CNST: variants seen among roughly 807,000 people sequenced by gnomAD.
The protein encoded by CNST is consortin.
Under a neutral mutation model 72.4 loss-of-function variants are expected in CNST, and 39 were observed. The observed-to-expected ratio is 0.54, with a 90% CI of 0.42 to 0.70. The LOEUF (loss-of-function observed/expected upper bound fraction) is 0.70. CNST is among the 30% of genes least tolerant of loss of function. The pLI is 0.00. For missense variants in CNST, 871 were observed against 868.5 expected (o/e 1.00, Z -0.04); for synonymous variants, 332 against 320.1 (o/e 1.04, Z -0.40).
Position 246,571,454 on chromosome 1 carries a change from G to A in CNST, c.-52+4791G>A, listed in dbSNP as rs1660062548. ...CGTGAGCCACTGTGCCAGGCCAAATGGTTTTTATCTTAGTTTTGAGATCCT... is the reference window on the plus strand; with the variant it reads ...CGTGAGCCACTGTGCCAGGCCAAATAGTTTTTATCTTAGTTTTGAGATCCT... On this transcript the variant is annotated intron_variant, in intron 1 of 10. Transcript: ENST00000366513. Among the ~76,000 whole-genome samples, 3 of 152,122 alleles carry A rather than the reference G, an allele frequency of 2.0e-5. No individual in the cohort carries two copies. In the South Asian group the frequency reaches 6.2e-4, roughly 32 times the overall value.
chr1:246,572,387 A>C (rs1046288074), intron 1 of CNST, among the ~76,000 whole-genome samples: 5 of 152,150 alleles, frequency 3.3e-5, no homozygotes, highest in African/African-American at 1.2e-4. Context: ...TTTTGTATGC[A>C]TTGTCCTTGT....
At chr1:246,656,057 T>C (rs1169874209) in intron 9 of CNST, among the ~76,000 whole-genome samples, 1 of 152,248 alleles carries the variant, frequency 6.6e-6, no homozygotes, top group Non-Finnish European at 1.5e-5. Flanking sequence ...ATTTGTCATA[T>C]ACTATAATAA....
intron 6 of CNST, among the ~76,000 whole-genome samples, chr1:246,634,964 C>CCGGCCGGGGTAGGTGTCTTT (rs1665072181): frequency 6.6e-6 from 1 of 151,582 alleles, no homozygotes. Context: ...TGCGTGTCTT[C>CCGGCCGGGGTAGGTGTCTTT]CGGCCGGGGT....
chr1:246,592,496 G>T (rs941587629), intron 2 of CNST, among the ~76,000 whole-genome samples: 1 of 152,042 alleles, frequency 6.6e-6, no homozygotes. Context: ...CAAAAAAAAA[G>T]AAAAGAAAAA....
intron 9 of CNST, among the ~76,000 whole-genome samples, chr1:246,659,398 T>G (rs557622603): frequency 2.3e-4 from 35 of 152,182 alleles, no homozygotes; most frequent in South Asian, 2.1e-4. Flanking sequence ...ATCGAGACCA[T>G]CCTGGCTAAC....
rs1175692182 is a variant in CNST, at chr1:246,621,546, C to G, written c.497C>G (p.Pro166Arg). Residue 166 changes from proline (P) to arginine (R), a missense_variant, in exon 3 of 11, where the codon CCA becomes CGA. Coordinates refer to ENST00000366513, the MANE Select transcript of CNST (RefSeq NM_152609.3). The stretch of plus-strand genomic sequence containing the variant: ...AATGCTAATGAGCAGCCAGAGGCGC[C>G]AAAGCTTGTTCTGCAGTCTCTGTTT... The part of the protein sequence containing the change: ...EVNANEQPEA[P>R]KLVLQSLFSL... 6.2e-7 allele frequency: 1 copy of G among 1,614,154 alleles called. No homozygotes were observed. Among genetic ancestry groups the G allele is most frequent in the Non-Finnish European group, 8.5e-7 (1 of 1,180,032 alleles).
chr1:246,573,755 G>T (rs1660207313), intron 1 of CNST, among the ~76,000 whole-genome samples: 2 of 152,184 alleles, frequency 1.3e-5, no homozygotes, highest in South Asian at 4.1e-4. Context: ...TATCTGTTTT[G>T]TAACTAAAGC....
chr1:246,646,153 G>A lies in CNST; in HGVS notation c.938-986G>A, dbSNP rs967754303. Reference sequence around the variant, plus strand: ...AAATTAGCTGGGCAAGGTGGCGGGCGCCTGTAGTCCCAGCTACTCGGGAGG... The same window carrying A: ...AAATTAGCTGGGCAAGGTGGCGGGCACCTGTAGTCCCAGCTACTCGGGAGG... On this transcript the variant is annotated intron_variant, in intron 8 of 10. Transcript: ENST00000366513. Among the ~76,000 whole-genome samples the A allele has an allele frequency of 4.0e-5, 6 of 151,684 alleles. No homozygotes were observed. In the East Asian group the frequency reaches 7.9e-4, roughly 20 times the overall value.
At chr1:246,606,390 G>T (rs578088775) in intron 2 of CNST, 5 of 152,102 alleles carry the variant, frequency 3.3e-5, no homozygotes, top group South Asian at 4.1e-4. Context: ...TGTTTGAAGC[G>T]ATTTCTAGAA....
chr1:246,605,682 C>CG (rs935694461), intron 2 of CNST, among the ~76,000 whole-genome samples: 1 of 142,620 alleles, frequency 7.0e-6, no homozygotes, highest in African/African-American at 2.6e-5. Context: ...GTCTTCCGGC[C>CG]GGGGTAGGTG....
At chr1:246,662,077 T>C (rs553376847) in intron 10 of CNST, among the ~76,000 whole-genome samples, 1 of 152,328 alleles carries the variant, frequency 6.6e-6, no homozygotes, top group African/African-American at 2.4e-5. Flanking sequence ...CCATCATCTT[T>C]AAAATAAGGA....
At chr1:246,619,713 G>C (rs1663929865) in intron 2 of CNST, among the ~76,000 whole-genome samples, 2 of 152,250 alleles carry the variant, frequency 1.3e-5, no homozygotes. Context: ...AAGGCAGGAA[G>C]TATTTTACTT....
At chr1:246,663,948 C>T (rs1326029721) in intron 10 of CNST, among the ~76,000 whole-genome samples, 1 of 151,866 alleles carries the variant, frequency 6.6e-6, no homozygotes, top group Non-Finnish European at 1.5e-5. Context: ...TTTGGGGTTG[C>T]GTTTTTACAG....
chr1:246,651,472 A>G (rs1240552691), intron 9 of CNST, among the ~76,000 whole-genome samples: 1 of 152,080 alleles, frequency 6.6e-6, no homozygotes, highest in Admixed American at 6.5e-5. Context: ...TGCATTGCCC[A>G]GCCTTGGCTC....
At chr1:246,643,606 C>A (rs1159243973) in intron 8 of CNST, among the ~76,000 whole-genome samples, 2 of 152,174 alleles carry the variant, frequency 1.3e-5, no homozygotes, top group African/African-American at 4.8e-5. Context: ...GCAGCTAGAA[C>A]CTGGGTCTTC....
At position 246,612,508 on chromosome 1, in the gene CNST, C is replaced by T. The variant is rs928589500; in HGVS notation, c.380-8921C>T. Among the ~76,000 whole-genome samples, 6 of 152,174 alleles carry T rather than the reference C, an allele frequency of 3.9e-5. No individual in the cohort carries two copies. The East Asian group carries it at 7.7e-4, about 20-fold the overall frequency. On this transcript the variant is annotated intron_variant, in intron 2 of 10. Coordinates refer to ENST00000366513, the MANE Select transcript of CNST (RefSeq NM_152609.3). The stretch of plus-strand genomic sequence containing the variant: ...GTGAGCCACCGTGGCCAGCTGTGGA[C>T]GTGTTTAATGCCACTGAATTGTATA...
At chr1:246,652,294 G>A (rs10924791) in intron 9 of CNST, among the ~76,000 whole-genome samples, 3 of 151,984 alleles carry the variant, frequency 2.0e-5, no homozygotes, top group Admixed American at 6.6e-5. Flanking sequence ...AAACTTGAAC[G>A]AAATGTGCCA....
intron 6 of CNST, among the ~76,000 whole-genome samples, chr1:246,634,837 G>A (rs1343428838): frequency 1.3e-5 from 2 of 152,214 alleles, no homozygotes; most frequent in Admixed American, 6.5e-5. Flanking sequence ...CTAAAATGGC[G>A]TCAGCGCCAC....
At chr1:246,602,336 T>C (rs1169076755) in intron 2 of CNST, among the ~76,000 whole-genome samples, 2 of 152,196 alleles carry the variant, frequency 1.3e-5, no homozygotes, top group African/African-American at 2.4e-5. Context: ...TGGCTTAGCT[T>C]GGAGCTTCTG....
Sources: allele counts gnomAD v4.1 joint callset (sites outside exome capture counted in the v4.1 genomes callset), GRCh38; gene constraint gnomAD v4.1.1; transcripts MANE v1.5; gene names NCBI Gene and HGNC (gene_info 2026-07-23, HGNC 2026-07-21).